Variants in BICD2 observed in about 807,000 individuals in gnomAD.
BICD2 encodes the protein protein bicaudal D homolog 2.
In BICD2, 25 loss-of-function variants were observed where a neutral mutation model predicts 72.9. That is an observed-to-expected ratio of 0.34 (90% CI 0.25 to 0.48). The LOEUF (loss-of-function observed/expected upper bound fraction) is 0.48. BICD2 is among the 20% of genes least tolerant of loss of function. The probability of loss-of-function intolerance (pLI) is 0.99; values close to 1 mark genes in which losing one functional copy is unlikely to be tolerated. For missense variants in BICD2, 894 were observed against 1,175.2 expected, an observed-to-expected ratio of 0.76 and a Z score of 3.50; for synonymous variants, 501 against 516.1, an observed-to-expected ratio of 0.97 and a Z score of 0.40.
Position 92,719,442 on chromosome 9 carries a change from C to T in BICD2, c.1203G>A (p.Gln401=), listed in dbSNP as rs752209653. 1.2e-6 allele frequency: 2 copies of T among 1,614,048 alleles called. No homozygotes were observed. Among genetic ancestry groups the T allele is most frequent in the Non-Finnish European group, 8.5e-7 (1 of 1,180,048 alleles). ...TENLSALRRL[Q]ASKERQTALD... is the part of the protein sequence containing the mutation. ...GGGCTGTCTGCCGCTCCTTGCTGGC[C>T]TGCAGGCGCCGCAGGGCACTCAGAT... is the stretch of plus-strand genomic sequence containing the variant. The change falls in exon 5 of 7, where the codon CAG becomes CAA. Residue 401 remains glutamine (Q), a synonymous_variant. Coordinates refer to ENST00000356884, the MANE Select transcript of BICD2 (RefSeq NM_001003800.2).
intron 1 of BICD2, among the ~76,000 whole-genome samples, chr9:92,729,909 T>C (rs1853645533): frequency 1.3e-5 from 2 of 152,184 alleles, no homozygotes; most frequent in Admixed American, 1.3e-4. Flanking sequence ...GAGGAGACCT[T>C]ATGGGTGAGA....
chr9:92,744,843 A>G (rs1564069671), intron 1 of BICD2, among the ~76,000 whole-genome samples: 1 of 150,188 alleles, frequency 6.7e-6, no homozygotes, highest in African/African-American at 2.4e-5. Flanking sequence ...TCCGTCTCAG[A>G]AAAAAAAAAG....
chr9:92,715,448 A>G lies in BICD2; in HGVS notation c.2274T>C (p.Ile758=), dbSNP rs140883066. ...GCCGCTGCATCTCATCCAGCTGTGT[A>G]ATGTACTCGTCACACCTGTGGGTAC... ...AMFATRCDEY[I]TQLDEMQRQL... The change falls in exon 7 of 7, where the codon ATT becomes ATC. Residue 758 remains isoleucine, a synonymous_variant. Transcript: ENST00000356884. 6.3e-7 allele frequency: 1 copy of G among 1,595,094 alleles called. No individual in the cohort carries two copies. The highest frequency in any genetic ancestry group is 8.6e-7 in the Non-Finnish European group (1 of 1,166,526).
chr9:92,728,906 C>T (rs1036344866), intron 2 of BICD2, 118 bp downstream of exon 2: 194 of 1,111,608 alleles, frequency 1.7e-4, no homozygotes, highest in Non-Finnish European at 2.4e-4. Context: ...CAAGACAGAC[C>T]AGCCAGCTGC....
intron 1 of BICD2, among the ~76,000 whole-genome samples, chr9:92,749,381 C>G (rs559907757): frequency 1.3e-5 from 2 of 152,308 alleles, no homozygotes; most frequent in African/African-American, 2.4e-5. Flanking sequence ...CTGCATTTCC[C>G]CAAGGAGGAC....
At position 92,720,487 on chromosome 9, in the gene BICD2, G is replaced by C; in HGVS notation, c.875C>G (p.Pro292Arg). The change falls in exon 4 of 7, where the codon CCC (proline) becomes CGC (arginine). Residue 292 changes from proline to arginine, a missense_variant. Pro to Arg is a moderately radical substitution (Grantham distance 103). Coordinates refer to ENST00000356884, the MANE Select transcript of BICD2 (RefSeq NM_001003800.2). The surrounding 1 kb of genome is among the most constrained non-coding windows in gnomAD (Gnocchi z 5.4). ...GLKFSDDAAE[P>R]NNDAEALVNG... ...GACCAGGGCCTCGGCATCGTTGTTG[G>C]GCTCGGCAGCATCGTCACTGAACTT... is the stretch of plus-strand genomic sequence containing the variant. 6.2e-7 allele frequency: 1 copy of C among 1,614,212 alleles called. No individual in the cohort carries two copies. The highest frequency in any genetic ancestry group is 8.5e-7 in the Non-Finnish European group (1 of 1,180,046).
intron 1 of BICD2, among the ~76,000 whole-genome samples, chr9:92,762,151 A>G (rs563598996): frequency 6.6e-6 from 1 of 152,362 alleles, no homozygotes; most frequent in Non-Finnish European, 1.5e-5. Context: ...TTCAAGAAAT[A>G]AAGTTTTCTA....
Position 92,764,791 on chromosome 9 carries a change from G to A in BICD2, c.-47C>T, listed in dbSNP as rs748812717. On this transcript the variant is annotated 5_prime_UTR_variant, in exon 1 of 7. Coordinates refer to ENST00000356884, the MANE Select transcript of BICD2 (RefSeq NM_001003800.2). This position sits in a 1 kb window ranked among gnomAD's most constrained non-coding sequence, Gnocchi z 5.5. The stretch of plus-strand genomic sequence containing the variant: ...CTCCCACTGAGGCTCTCGCAGGCCG[G>A]GCCCTCCTCAGCCGCCGCCGCTGCC... 7 of 1,362,402 alleles carry A rather than the reference G, an allele frequency of 5.1e-6. No homozygotes were observed. Among genetic ancestry groups the A allele is most frequent in the South Asian group, 1.6e-5 (1 of 62,746 alleles). 84.4% of individuals were successfully genotyped at this position (1,362,402 alleles called of 1,614,324 possible).
chr9:92,712,078 C>T lies in BICD2; in HGVS notation c.*3076G>A, dbSNP rs1271998147. 1 of 152,648 alleles carries T rather than the reference C, an allele frequency of 6.6e-6. No homozygotes were observed. Among genetic ancestry groups the T allele is most frequent in the East Asian group, 1.9e-4 (1 of 5,198 alleles). The allele number at this position is 152,648 out of a possible 1,614,324, so 9.5% of individuals were successfully genotyped here. ...AGAATACTATGGCTAACCCTCATCCCCTACTGCGCATGCCAACACAGCGTC... is the reference window on the plus strand; with the variant it reads ...AGAATACTATGGCTAACCCTCATCCTCTACTGCGCATGCCAACACAGCGTC... On this transcript the variant is annotated 3_prime_UTR_variant, in exon 7 of 7. Coordinates refer to ENST00000356884, the MANE Select transcript of BICD2 (RefSeq NM_001003800.2).
In BICD2 at chr9:92,719,188, G is replaced by C. The variant is rs1853400976; in HGVS notation, c.1457C>G (p.Ser486Cys). The C allele has an allele frequency of 6.8e-6, 11 of 1,610,762 alleles. No homozygotes were observed. In the East Asian group the frequency reaches 2.5e-4, roughly 36 times the overall value. Reference protein sequence around the residue: ...AEGQALTEKVSLLEKASRQDR... With the variant: ...AEGQALTEKVCLLEKASRQDR... ...CTGGCGGCTGGCCTTCTCTAGCAGG[G>C]AGACCTTCTCCGTGAGTGCCTGGCC... Residue 486 changes from serine to cysteine, a missense_variant, in exon 5 of 7, where the codon TCC (serine) becomes TGC (cysteine). Transcript: ENST00000356884.
chr9:92,719,711 C>T (rs1853419386), intron 4 of BICD2, 129 bp from the exon 5 acceptor site: 8 of 965,464 alleles, frequency 8.3e-6, no homozygotes, highest in Non-Finnish European at 1.0e-5. Flanking sequence ...GGTTCCTTGG[C>T]CATGCTGTCA....
At chr9:92,762,392 C>T (rs951313268) in intron 1 of BICD2, among the ~76,000 whole-genome samples, 4 of 152,110 alleles carry the variant, frequency 2.6e-5, no homozygotes, top group Non-Finnish European at 5.9e-5. Context: ...GAAACTGAAA[C>T]GCTGATGCAC....
chr9:92,713,429 G>A lies in BICD2; in HGVS notation c.*1725C>T, dbSNP rs1853232297. The A allele has an allele frequency of 6.3e-7, 1 of 1,584,464 alleles. No homozygotes were observed. ...AAGGGGCTGCAGTGTGACAGGGCCG[G>A]GTGGCCAAGTCCTCCTGGCAGCTAC... On this transcript the variant is annotated 3_prime_UTR_variant, in exon 7 of 7. Coordinates refer to ENST00000356884, the MANE Select transcript of BICD2 (RefSeq NM_001003800.2).
intron 1 of BICD2, among the ~76,000 whole-genome samples, chr9:92,758,188 A>C (rs1049428243): frequency 2.0e-5 from 3 of 149,194 alleles, no homozygotes; most frequent in Non-Finnish European, 4.4e-5. Context: ...TGGGCAACAG[A>C]GCTAGACTCT....
In BICD2 at chr9:92,712,996, AACACGGT is replaced by A. The variant is rs1206756516; in HGVS notation, c.*2151_*2157del. 2 of 171,924 alleles carry A rather than the reference AACACGGT, an allele frequency of 1.2e-5. No homozygotes were observed. The highest frequency in any genetic ancestry group is 4.8e-5 in the African/African-American group (2 of 41,850). The allele number at this position is 171,924 out of a possible 1,614,324, so 10.6% of individuals were successfully genotyped here. On this transcript the variant is annotated 3_prime_UTR_variant, in exon 7 of 7. Coordinates refer to ENST00000356884, the MANE Select transcript of BICD2 (RefSeq NM_001003800.2). ...CTCTGCCTCGTGCTGACACCAGACAAACACGGTGGGAGCTGAGGCGGACAGCTACAGG... is the reference window on the plus strand; with the variant it reads ...CTCTGCCTCGTGCTGACACCAGACAAGGGAGCTGAGGCGGACAGCTACAGG...
intron 2 of BICD2, among the ~76,000 whole-genome samples, chr9:92,724,670 G>A (rs1228320819): frequency 5.3e-5 from 8 of 152,166 alleles, no homozygotes; most frequent in Non-Finnish European, 7.4e-5. Context: ...CACCAGGGCC[G>A]GGCCCCACAG....
At chr9:92,716,089 G>T (rs1853306913) in intron 6 of BICD2, among the ~76,000 whole-genome samples, 1 of 152,128 alleles carries the variant, frequency 6.6e-6, no homozygotes, top group Non-Finnish European at 1.5e-5. Context: ...TATGGGTGGG[G>T]CTTGGTAGAG....
chr9:92,728,419 G>T (rs75678710), intron 2 of BICD2, among the ~76,000 whole-genome samples: 1 of 152,200 alleles, frequency 6.6e-6, no homozygotes, highest in Non-Finnish European at 1.5e-5. Flanking sequence ...GGCTGTCCAT[G>T]GGTACCCAGG....
intron 4 of BICD2, 70 bp from the exon 5 acceptor site, chr9:92,719,652 G>T: frequency 6.8e-7 from 1 of 1,464,660 alleles, no homozygotes; most frequent in Non-Finnish European, 9.1e-7. Context: ...GGACCCCCAA[G>T]ATGGCCTAGT....
Sources: gnomAD v4.1 joint callset for allele counts (sites outside exome capture counted in the v4.1 genomes callset) on GRCh38, gnomAD v4.1.1 for gene constraint, Gnocchi (gnomAD v3.1) non-coding constraint, MANE v1.5 for transcripts, NCBI Gene and HGNC (gene_info 2026-07-23, HGNC 2026-07-21) for gene names.